Variants in EFNB2 observed in about 807,000 individuals in gnomAD.
The protein encoded by EFNB2 is ephrin B2.
In EFNB2, 5 loss-of-function variants were observed where a neutral mutation model predicts 32.1. That is an observed-to-expected ratio of 0.16 (90% CI 0.08 to 0.33). The LOEUF (loss-of-function observed/expected upper bound fraction) is 0.33, where lower values mean the gene tolerates loss of function less well. EFNB2 is among the 10% of genes least tolerant of loss of function. The pLI is 1.00. For synonymous variants in EFNB2, 168 were observed against 166.5 expected, an observed-to-expected ratio of 1.01 and a Z score of -0.07; for missense variants, 263 against 422.6, an observed-to-expected ratio of 0.62 and a Z score of 3.31.
At position 106,512,727 on chromosome 13, in the gene EFNB2, C is replaced by G. The variant is rs373751268; in HGVS notation, c.208G>C (p.Val70Leu). ...IICPKVDSKT[V>L]GQYEYYKVYM... ...ACTTTATAATATTCATACTGGCCAACAGTTTTAGAGTCCACTTTGGGGCAA... is the reference window on the plus strand; with the variant it reads ...ACTTTATAATATTCATACTGGCCAAGAGTTTTAGAGTCCACTTTGGGGCAA... Residue 70 changes from valine to leucine, a missense_variant, in exon 2 of 5, where the codon GTT becomes CTT. Val to Leu is a conservative substitution (Grantham distance 32). Around this residue, in one of 3 missense-constraint regions of EFNB2, gnomAD observed 45 missense variants for 128.6 expected, o/e 0.35. Transcript: ENST00000646441. 1.1e-5 allele frequency: 18 copies of G among 1,613,590 alleles called. No homozygotes were observed. Among genetic ancestry groups the G allele is most frequent in the Admixed American group, 1.7e-5 (1 of 59,968 alleles).
chr13:106,534,211 C>T (rs1371771150), intron 1 of EFNB2, among the ~76,000 whole-genome samples: 1 of 152,080 alleles, frequency 6.6e-6, no homozygotes, highest in African/African-American at 2.4e-5. Flanking sequence ...AAGCCTAAGG[C>T]CCGTCTCCCC....
chr13:106,495,179 G>A (rs1878547091), intron 3 of EFNB2, among the ~76,000 whole-genome samples, 185 bp from the exon 4 acceptor site: 1 of 152,166 alleles, frequency 6.6e-6, no homozygotes, highest in Non-Finnish European at 1.5e-5. Flanking sequence ...TATTTCAGAG[G>A]TTTAGAACGT....
rs956205296 is a variant in EFNB2, at chr13:106,491,332, C to T, written c.*1708G>A. 3 of 152,560 alleles carry T rather than the reference C, an allele frequency of 2.0e-5. No homozygotes were observed. Among genetic ancestry groups the T allele is most frequent in the Non-Finnish European group, 4.4e-5 (3 of 68,026 alleles). The allele number at this position is 152,560 out of a possible 1,614,324, so 9.5% of individuals were successfully genotyped here. A position where few individuals can be genotyped will look rare whatever the true frequency, so the allele number is the denominator to read the frequency against. On this transcript the variant is annotated 3_prime_UTR_variant, in exon 5 of 5. Transcript: ENST00000646441. Reference sequence around the variant, plus strand: ...ACTTGGTTATTTTTGCATTTGCTCTCATTATTGTTCTTTTTGGAATGATGT... The same window carrying T: ...ACTTGGTTATTTTTGCATTTGCTCTTATTATTGTTCTTTTTGGAATGATGT...
Position 106,533,950 on chromosome 13 carries a change from C to A in EFNB2, c.122+893G>T, listed in dbSNP as rs765639178. On this transcript the variant is annotated intron_variant, in intron 1 of 4. Transcript: ENST00000646441. ...TCTGAATGCACTCTGGTGGCCCAAA[C>A]TGAAAGTTACTCTCCACAAGGCCTG... Among the ~76,000 whole-genome samples the A allele has an allele frequency of 2.9e-4, 44 of 152,214 alleles. 1 individual carries two copies. Among genetic ancestry groups the A allele is most frequent in the Admixed American group, 5.2e-4 (8 of 15,280 alleles).
chr13:106,515,051 T>A (rs891318376), intron 1 of EFNB2, among the ~76,000 whole-genome samples: 1 of 152,190 alleles, frequency 6.6e-6, no homozygotes, highest in Non-Finnish European at 1.5e-5. Context: ...GATTTTTTTT[T>A]TCCTGCTTAA....
chr13:106,531,287 C>T (rs549798917), intron 1 of EFNB2, among the ~76,000 whole-genome samples: 5 of 152,322 alleles, frequency 3.3e-5, no homozygotes, highest in African/African-American at 9.6e-5. Context: ...TGTGAGGTAT[C>T]GCTTTAGCTT....
At chr13:106,494,755 C>T (rs1417856658) in intron 4 of EFNB2, 126 bp downstream of exon 4, 2 of 699,396 alleles carry the variant, frequency 2.9e-6, no homozygotes, top group Non-Finnish European at 5.0e-6. Context: ...GCAAAGATTC[C>T]TGATCACTGT....
intron 1 of EFNB2, chr13:106,519,314 T>G (rs1566461054): frequency 6.6e-6 from 1 of 152,162 alleles, no homozygotes. Context: ...TTAATATTTA[T>G]GTGTAATTAT....
At chr13:106,520,660 AG>A (rs1879479486) in intron 1 of EFNB2, 1 of 152,248 alleles carries the variant, frequency 6.6e-6, no homozygotes, top group South Asian at 2.1e-4. Context: ...CAGCTTAATA[AG>A]GTATTCTCTG....
intron 2 of EFNB2, among the ~76,000 whole-genome samples, chr13:106,498,797 C>T (rs543380506): frequency 4.6e-5 from 7 of 152,214 alleles, no homozygotes; most frequent in African/African-American, 1.7e-4. Flanking sequence ...GTGCTTGCCA[C>T]GTGGGGAGCA....
chr13:106,492,801 C>G lies in EFNB2; in HGVS notation c.*239G>C, dbSNP rs908719358. ...AGACGTGGGACGCGGCACAGCAGTC[C>G]GAATGGGCGTCTTCTGCACAGTCTT... On this transcript the variant is annotated 3_prime_UTR_variant, in exon 5 of 5. Coordinates refer to ENST00000646441, the MANE Select transcript of EFNB2 (RefSeq NM_004093.4). The surrounding 1 kb of genome is among the most constrained non-coding windows in gnomAD (Gnocchi z 5.1). 5.1e-5 allele frequency: 25 copies of G among 490,548 alleles called. No individual in the cohort carries two copies. The East Asian group carries it at 7.6e-4, about 15-fold the overall frequency. The allele number at this position is 490,548 out of a possible 1,614,324, so 30.4% of individuals were successfully genotyped here.
At chr13:106,523,866 G>T (rs1879615801) in intron 1 of EFNB2, among the ~76,000 whole-genome samples, 1 of 152,144 alleles carries the variant, frequency 6.6e-6, no homozygotes, top group Admixed American at 6.5e-5. Context: ...ATTGTGACTA[G>T]ACTCTAAAAA....
rs1457591665 is a variant in EFNB2, at chr13:106,518,452, CTTGT to C, written c.123-5644_123-5641del. The C allele has an allele frequency of 6.6e-6, 1 of 152,186 alleles. No homozygotes were observed. Among genetic ancestry groups the C allele is most frequent in the Non-Finnish European group, 1.5e-5 (1 of 68,030 alleles). 9.4% of individuals were successfully genotyped at this position (152,186 alleles called of 1,614,324 possible). Reference sequence around the variant, plus strand: ...TTTTAACCTACACTACGAGCACATGCTTGTTTAAAACACGGGCCTAATACACTGA... The same window carrying C: ...TTTTAACCTACACTACGAGCACATGCTTAAAACACGGGCCTAATACACTGA... On this transcript the variant is annotated intron_variant, in intron 1 of 4. Transcript: ENST00000646441. This position sits in a 1 kb window ranked among gnomAD's most constrained non-coding sequence, Gnocchi z 4.1.
intron 2 of EFNB2, 136 bp downstream of exon 2, chr13:106,512,390 AAAG>A (rs1879169616): frequency 3.6e-6 from 2 of 548,500 alleles, no homozygotes; most frequent in African/African-American, 2.2e-5. Flanking sequence ...TGAAAAAAAA[AAAG>A]GGGGGGGGGA....
intron 1 of EFNB2, among the ~76,000 whole-genome samples, chr13:106,529,416 C>T (rs1879803908): frequency 6.6e-6 from 1 of 152,174 alleles, no homozygotes; most frequent in Non-Finnish European, 1.5e-5. Flanking sequence ...TAATCAGCCC[C>T]AATCTCAATC....
intron 2 of EFNB2, among the ~76,000 whole-genome samples, chr13:106,505,024 T>TC (rs1185669516): frequency 6.6e-6 from 1 of 152,172 alleles, no homozygotes. Flanking sequence ...AACCACCTTT[T>TC]CCCAATGGCC....
rs189698531 is a variant in EFNB2 at position 106,502,971 on chromosome 13, T to A, written c.407-7131A>T. ...AGGCTCAGTGATGTACACTGACGCT[T>A]TTCTGAGAAAGACCAGACAGTACTG... is the stretch of plus-strand genomic sequence containing the variant. On this transcript the variant is annotated intron_variant, in intron 2 of 4. Transcript: ENST00000646441. 6.9e-3 allele frequency among the ~76,000 whole-genome samples: 1,055 copies of A among 152,294 alleles called. 6 individuals are homozygous for A. Among genetic ancestry groups the A allele is most frequent in the Non-Finnish European group, 0.01 (688 of 68,020 alleles).
intron 1 of EFNB2, among the ~76,000 whole-genome samples, chr13:106,532,588 G>C (rs1238344896): frequency 6.6e-6 from 1 of 152,186 alleles, no homozygotes; most frequent in African/African-American, 2.4e-5. Flanking sequence ...CCTACAGGAA[G>C]AAATCTTTCT....
chr13:106,507,664 C>G (rs992156922), intron 2 of EFNB2, among the ~76,000 whole-genome samples: 8 of 151,982 alleles, frequency 5.3e-5, no homozygotes, highest in African/African-American at 1.9e-4. Flanking sequence ...ACAACTGAAC[C>G]AATGAGGGCC....
Sources: allele counts gnomAD v4.1 joint callset (sites outside exome capture counted in the v4.1 genomes callset), GRCh38; gene constraint gnomAD v4.1.1; regional missense constraint gnomAD v4.1.1; non-coding constraint Gnocchi (gnomAD v3.1); transcripts MANE v1.5; gene names NCBI Gene and HGNC (gene_info 2026-07-23, HGNC 2026-07-21).